Variants in SCRG1 observed in about 807,000 individuals in gnomAD.
SCRG1 encodes the protein scrapie-responsive protein 1.
A neutral mutation model predicts 7.7 loss-of-function variants in SCRG1; 3 were observed. The observed-to-expected ratio is 0.39, with a 90% confidence interval of 0.18 to 1.01. The LOEUF is 1.01. Ranked by LOEUF, SCRG1 falls within the 50% of genes least tolerant of loss-of-function variation. The pLI, the probability that SCRG1 is intolerant of heterozygous loss-of-function variation, is 0.36. For missense variants in SCRG1, 110 were observed against 117.2 expected, an observed-to-expected ratio of 0.94 and a Z score of 0.28; for synonymous variants, 46 against 41.2, an observed-to-expected ratio of 1.12 and a Z score of -0.44.
At chr4:173,477,469 T>G in the SCRG1 span, among the ~76,000 whole-genome samples, 3 of 152,112 alleles carry the variant, frequency 2.0e-5, no homozygotes, top group Admixed American at 2.0e-4. Flanking sequence ...GTGCATCGAT[T>G]TAGCACACAC....
At chr4:173,457,032 T>A in the SCRG1 span, among the ~76,000 whole-genome samples, 3 of 152,236 alleles carry the variant, frequency 2.0e-5, no homozygotes, top group Non-Finnish European at 4.4e-5. Context: ...TTTCTCTACA[T>A]CAGAGGCCAG....
At position 173,386,291 on chromosome 4, in the gene SCRG1, C is replaced by G. The variant is rs951205285; in HGVS notation, c.*2050G>C. On this transcript the variant is annotated 3_prime_UTR_variant, in exon 3 of 3. Transcript: ENST00000296506. Reference sequence around the variant, plus strand: ...CTGGGACTAGAGGCGCCTGCCACCACGCCCAGCTAATTTTTTTTTTTTTTT... The same window carrying G: ...CTGGGACTAGAGGCGCCTGCCACCAGGCCCAGCTAATTTTTTTTTTTTTTT... The G allele has an allele frequency of 1.4e-5, 2 of 145,346 alleles. No individual in the cohort carries two copies. Among genetic ancestry groups the G allele is most frequent in the African/African-American group, 5.1e-5 (2 of 39,296 alleles). 9.0% of individuals were successfully genotyped at this position (145,346 alleles called of 1,614,324 possible).
chr4:173,436,484 T>G, the SCRG1 span, among the ~76,000 whole-genome samples: 3 of 152,136 alleles, frequency 2.0e-5, no homozygotes, highest in Non-Finnish European at 4.4e-5. Flanking sequence ...CTGTAGCCTT[T>G]TACCTCCAGC....
the SCRG1 span, among the ~76,000 whole-genome samples, chr4:173,512,612 A>G: frequency 6.6e-6 from 1 of 152,220 alleles, no homozygotes; most frequent in Non-Finnish European, 1.5e-5. Context: ...CTTAACTGCA[A>G]TTCTGGCCAG....
the SCRG1 span, among the ~76,000 whole-genome samples, chr4:173,479,883 T>G: frequency 6.6e-6 from 1 of 152,180 alleles, no homozygotes; most frequent in African/African-American, 2.4e-5. Context: ...ATTACCTTAA[T>G]TTGGGAATCA....
the SCRG1 span, among the ~76,000 whole-genome samples, chr4:173,441,299 C>G: frequency 1.3e-5 from 2 of 152,190 alleles, no homozygotes; most frequent in Non-Finnish European, 2.9e-5. Context: ...TAGGTTCAGT[C>G]TCAAACATTT....
the SCRG1 span, among the ~76,000 whole-genome samples, chr4:173,488,270 A>G: frequency 1.3e-5 from 2 of 152,034 alleles, no homozygotes; most frequent in Non-Finnish European, 2.9e-5. Context: ...ACTCAAAATG[A>G]GCATCTCTTC....
the SCRG1 span, among the ~76,000 whole-genome samples, chr4:173,517,102 T>G: frequency 6.6e-6 from 1 of 152,126 alleles, no homozygotes; most frequent in African/African-American, 2.4e-5. Context: ...GGCCGCCACT[T>G]GGGAGGTCCC....
the SCRG1 span, among the ~76,000 whole-genome samples, chr4:173,489,414 G>C: frequency 1.3e-5 from 2 of 152,090 alleles, no homozygotes; most frequent in African/African-American, 2.4e-5. Flanking sequence ...TTGTCATAAG[G>C]AGAGCAATCA....
upstream of SCRG1, among the ~76,000 whole-genome samples, chr4:173,402,218 C>T (rs1739780279): frequency 1.3e-5 from 2 of 151,938 alleles, no homozygotes; most frequent in African/African-American, 4.8e-5. Context: ...AAAATATGTC[C>T]AGCTATGTAT....
chr4:173,410,129 C>T (rs554024651), upstream of SCRG1, among the ~76,000 whole-genome samples: 100 of 152,212 alleles, frequency 6.6e-4, no homozygotes, highest in Non-Finnish European at 1.3e-3. Context: ...ATAGCTCTGA[C>T]TGAGGTCTCC....
chr4:173,484,683 T>TATATTATATATGATATGCATATAATAC, the SCRG1 span, among the ~76,000 whole-genome samples: 2 of 50,066 alleles, frequency 4.0e-5, no homozygotes, highest in Admixed American at 3.4e-4. Context: ...ATGTATAATA[T>TATATTATATATGATATGCATATAATAC]ATATTATATA....
the SCRG1 span, among the ~76,000 whole-genome samples, chr4:173,417,929 T>A: frequency 6.6e-6 from 1 of 152,200 alleles, no homozygotes; most frequent in South Asian, 2.1e-4. Flanking sequence ...GTGGTCAGTG[T>A]GGATTGCCAC....
chr4:173,487,137 TG>T, the SCRG1 span, among the ~76,000 whole-genome samples: 12 of 152,194 alleles, frequency 7.9e-5, no homozygotes, highest in Non-Finnish European at 1.5e-5. Context: ...TTTTAAATTC[TG>T]GGACTATTCT....
the SCRG1 span, among the ~76,000 whole-genome samples, chr4:173,464,201 T>A: frequency 6.6e-6 from 1 of 152,204 alleles, no homozygotes. Context: ...AAAATCACTT[T>A]TATTTCAACC....
chr4:173,402,777 C>T (rs548912946), upstream of SCRG1, among the ~76,000 whole-genome samples: 12 of 152,240 alleles, frequency 7.9e-5, no homozygotes, highest in South Asian at 1.0e-3. Context: ...CAGCTGGTTT[C>T]GGCCTTCACA....
At chr4:173,474,628 C>T in the SCRG1 span, among the ~76,000 whole-genome samples, 3 of 152,184 alleles carry the variant, frequency 2.0e-5, no homozygotes, top group Non-Finnish European at 4.4e-5. Context: ...ACTTCACTTT[C>T]CCATTGGAGG....
chr4:173,478,109 T>A, the SCRG1 span, among the ~76,000 whole-genome samples: 153 of 152,248 alleles, frequency 1.0e-3, 3 homozygotes, highest in African/African-American at 3.6e-3. Flanking sequence ...AACACCTGGA[T>A]TTTAGTATCT....
the SCRG1 span, among the ~76,000 whole-genome samples, chr4:173,514,476 A>G: frequency 0.98 from 149,401 of 152,354 alleles, 73,320 homozygotes; most frequent in East Asian, 1. Context: ...AGCCTGAGCA[A>G]TTTTCTCCCT....
Sources: gnomAD v4.1 joint callset for allele counts (sites outside exome capture counted in the v4.1 genomes callset) on GRCh38, gnomAD v4.1.1 for gene constraint, MANE v1.5 for transcripts, NCBI Gene and HGNC (gene_info 2026-07-23, HGNC 2026-07-21) for gene names.